The following PTPRK variants were observed in gnomAD, a reference collection of about 807,000 sequenced individuals.
PTPRK encodes the protein protein tyrosine phosphatase receptor type K, also known as receptor-type tyrosine-protein phosphatase kappa.
A neutral mutation model predicts 178.0 loss-of-function variants in PTPRK; 75 were observed. The observed-to-expected ratio is 0.42, with a 90% CI of 0.35 to 0.51. PTPRK has a LOEUF of 0.51. Among genes scored for constraint, PTPRK ranks in the 20% least tolerant of loss-of-function variants. The pLI is 0.02. For missense variants in PTPRK, 1,441 were observed against 1,797.8 expected (o/e 0.80, Z 3.59); for synonymous variants, 637 against 620.6 (o/e 1.03, Z -0.39).
At chr6:128,483,294 T>G (rs898968284) in intron 1 of PTPRK, among the ~76,000 whole-genome samples, 1 of 152,144 alleles carries the variant, frequency 6.6e-6, no homozygotes, top group Non-Finnish European at 1.5e-5. Context: ...TTTAATTCAA[T>G]AATACAATTC....
At chr6:128,271,835 A>C (rs2128297780) in intron 3 of PTPRK, among the ~76,000 whole-genome samples, 1 of 152,058 alleles carries the variant, frequency 6.6e-6, no homozygotes, top group Middle Eastern at 3.4e-3. Context: ...TACTTTGAAG[A>C]GTTGGAACAA....
intron 5 of PTPRK, among the ~76,000 whole-genome samples, chr6:128,228,691 A>C (rs1050050980): frequency 4.6e-5 from 7 of 151,208 alleles, no homozygotes; most frequent in Non-Finnish European, 8.9e-5. Flanking sequence ...CAACAACAAC[A>C]ACAAAAAATT....
At chr6:128,363,138 C>A (rs527917256) in intron 2 of PTPRK, among the ~76,000 whole-genome samples, 1 of 152,256 alleles carries the variant, frequency 6.6e-6, no homozygotes, top group East Asian at 1.9e-4. Flanking sequence ...CATGAAGATG[C>A]ACATCAAGCA....
chr6:128,250,103 A>C (rs2128288690), intron 3 of PTPRK, among the ~76,000 whole-genome samples: 1 of 152,308 alleles, frequency 6.6e-6, no homozygotes, highest in African/African-American at 2.4e-5. Flanking sequence ...GCACATAAGA[A>C]GTGCCTTTCA....
chr6:128,463,240 G>C (rs1274978999), intron 1 of PTPRK, among the ~76,000 whole-genome samples: 1 of 152,126 alleles, frequency 6.6e-6, no homozygotes, highest in Non-Finnish European at 1.5e-5. Flanking sequence ...AACTAGAAAA[G>C]TCAAGCACTG....
At chr6:128,016,682 G>A (rs1402459249) in intron 13 of PTPRK, among the ~76,000 whole-genome samples, 1 of 151,622 alleles carries the variant, frequency 6.6e-6, no homozygotes, top group African/African-American at 2.4e-5. Context: ...TTTATGGTTA[G>A]GGCCTATTGT....
At position 128,190,061 on chromosome 6, in the gene PTPRK, G is replaced by T. The variant is rs748622033; in HGVS notation, c.869-5336C>A. ...TGCTCCCATAACAAACAGAAAGCAG[G>T]TTATTCATATTTAGAAGCAATTTAT... On this transcript the variant is annotated intron_variant, in intron 6 of 29. Coordinates refer to ENST00000368226, the MANE Select transcript of PTPRK (RefSeq NM_002844.4). Among the ~76,000 whole-genome samples the T allele has an allele frequency of 3.9e-5, 6 of 152,226 alleles. No homozygotes were observed. The East Asian group carries it at 5.8e-4, about 15-fold the overall frequency.
At chr6:128,317,427 C>T (rs1828158522) in intron 3 of PTPRK, among the ~76,000 whole-genome samples, 1 of 151,400 alleles carries the variant, frequency 6.6e-6, no homozygotes, top group South Asian at 2.1e-4. Flanking sequence ...TAAGTCTTCT[C>T]TCTCCAAATA....
chr6:128,220,968 G>A (rs1305631495), intron 5 of PTPRK, among the ~76,000 whole-genome samples: 1 of 152,128 alleles, frequency 6.6e-6, no homozygotes, highest in Non-Finnish European at 1.5e-5. Context: ...TGATATCAAA[G>A]TTCCTGAAAA....
At chr6:128,164,148 A>G (rs535592131) in intron 7 of PTPRK, among the ~76,000 whole-genome samples, 4 of 151,460 alleles carry the variant, frequency 2.6e-5, no homozygotes, top group African/African-American at 9.7e-5. Context: ...AACAGAAACT[A>G]TTACATAGCA....
chr6:127,988,466 C>T (rs952903087), intron 21 of PTPRK, among the ~76,000 whole-genome samples: 3 of 151,818 alleles, frequency 2.0e-5, no homozygotes, highest in Non-Finnish European at 2.9e-5. Flanking sequence ...TAGATATTAG[C>T]TATTCCTTAA....
Position 128,519,967 on chromosome 6 carries a change from C to G in PTPRK, c.100+292G>C, listed in dbSNP as rs1483110371. ...CGTAACTACTTTTTCTTTCTCTCTT[C>G]CCCACTAGCCCGGCGCAGGCCACGC... On this transcript the variant is annotated intron_variant, in intron 1 of 29. Transcript: ENST00000368226. The surrounding 1 kb of genome is among the most constrained non-coding windows in gnomAD (Gnocchi z 4.3). 1.3e-5 allele frequency among the ~76,000 whole-genome samples: 2 copies of G among 152,194 alleles called. No individual in the cohort carries two copies. The highest frequency in any genetic ancestry group is 4.8e-5 in the African/African-American group (2 of 41,456).
intron 7 of PTPRK, among the ~76,000 whole-genome samples, chr6:128,154,376 A>G (rs1325017081): frequency 1.3e-5 from 2 of 151,802 alleles, no homozygotes; most frequent in Non-Finnish European, 3.0e-5. Context: ...GTCAGCCATT[A>G]GTATCTGTAA....
chr6:128,169,390 C>A (rs1000834630), intron 7 of PTPRK, among the ~76,000 whole-genome samples: 1 of 151,640 alleles, frequency 6.6e-6, no homozygotes, highest in Non-Finnish European at 1.5e-5. Context: ...AGAAAAAAAA[C>A]AAAGAAGCTT....
intron 1 of PTPRK, among the ~76,000 whole-genome samples, chr6:128,464,075 T>C (rs1052539194): frequency 6.6e-6 from 1 of 152,076 alleles, no homozygotes; most frequent in Non-Finnish European, 1.5e-5. Flanking sequence ...TTTAAATAAA[T>C]GATTCCTCCA....
chr6:127,994,597 T>C (rs1215939349), intron 18 of PTPRK, among the ~76,000 whole-genome samples: 1 of 151,820 alleles, frequency 6.6e-6, no homozygotes, highest in African/African-American at 2.4e-5. Context: ...AGGTCTTCCT[T>C]ATAGGTAATG....
chr6:128,247,730 C>T (rs550573168), intron 3 of PTPRK, among the ~76,000 whole-genome samples: 1 of 152,272 alleles, frequency 6.6e-6, no homozygotes, highest in South Asian at 2.1e-4. Context: ...GCACATAAAA[C>T]ATTTAGCACA....
chr6:128,217,307 A>G (rs558833913), intron 6 of PTPRK, among the ~76,000 whole-genome samples: 10 of 152,354 alleles, frequency 6.6e-5, no homozygotes, highest in Admixed American at 3.3e-4. Context: ...CGGAGACATC[A>G]GACAAGTTAC....
chr6:128,498,876 T>C (rs371557915), intron 1 of PTPRK, among the ~76,000 whole-genome samples: 1 of 152,288 alleles, frequency 6.6e-6, no homozygotes, highest in African/African-American at 2.4e-5. Context: ...AGTTTTACAG[T>C]TGATTGGAGG....
Sources: gnomAD v4.1 joint callset for allele counts (sites outside exome capture counted in the v4.1 genomes callset) on GRCh38, gnomAD v4.1.1 for gene constraint, Gnocchi (gnomAD v3.1) non-coding constraint, MANE v1.5 for transcripts, NCBI Gene and HGNC (gene_info 2026-07-23, HGNC 2026-07-21) for gene names.